Variants in LRMDA observed in about 807,000 individuals in gnomAD.
LRMDA encodes leucine-rich melanocyte differentiation-associated protein.
A neutral mutation model predicts 29.8 loss-of-function variants in LRMDA; 18 were observed. The observed-to-expected ratio is 0.60, with a 90% CI of 0.42 to 0.90. LRMDA has a LOEUF of 0.90. Among genes scored for constraint, LRMDA ranks in the 40% least tolerant of loss-of-function variants. LRMDA has a pLI of 0.00. For synonymous variants in LRMDA, 125 were observed against 109.4 expected (o/e 1.14, Z -0.89); for missense variants, 273 against 273.9 (o/e 1.00, Z 0.02).
chr10:75,577,910 A>G (rs2132074507), intron 2 of LRMDA, among the ~76,000 whole-genome samples: 1 of 150,892 alleles, frequency 6.6e-6, no homozygotes, highest in Admixed American at 6.6e-5. Flanking sequence ...GAAAGGATCA[A>G]CTAGTACCAG....
At chr10:76,237,706 G>A (rs547680445) in intron 5 of LRMDA, among the ~76,000 whole-genome samples, 37 of 151,394 alleles carry the variant, frequency 2.4e-4, no homozygotes, top group African/African-American at 7.0e-4. Context: ...CCCAGAAAGC[G>A]CAGCCATAGG....
chr10:75,634,672 T>A (rs1203887873), intron 2 of LRMDA, among the ~76,000 whole-genome samples: 1 of 152,230 alleles, frequency 6.6e-6, no homozygotes, highest in African/African-American at 2.4e-5. Context: ...AAGGAGGAGA[T>A]AAACATATCA....
chr10:76,320,593 G>C (rs1840759132), intron 5 of LRMDA, among the ~76,000 whole-genome samples: 1 of 152,184 alleles, frequency 6.6e-6, no homozygotes, highest in Admixed American at 6.5e-5. Context: ...GATTAGAAAA[G>C]AAATAGGGCC....
intron 5 of LRMDA, among the ~76,000 whole-genome samples, chr10:76,194,203 G>T (rs748107266): frequency 1.2e-4 from 18 of 152,168 alleles, no homozygotes; most frequent in Non-Finnish European, 2.5e-4. Context: ...TGTAGTAGGG[G>T]AACCACTGAG....
At chr10:75,745,896 G>C (rs905109103) in intron 2 of LRMDA, among the ~76,000 whole-genome samples, 3 of 152,194 alleles carry the variant, frequency 2.0e-5, no homozygotes, top group Non-Finnish European at 2.9e-5. Flanking sequence ...GGTTTCATAT[G>C]ATGTGTTATT....
intron 5 of LRMDA, among the ~76,000 whole-genome samples, chr10:76,062,434 C>T (rs1037925327): frequency 9.9e-5 from 15 of 152,256 alleles, no homozygotes; most frequent in African/African-American, 2.2e-4. Flanking sequence ...GGCCCGATGT[C>T]GCAGAGGTCT....
intron 5 of LRMDA, among the ~76,000 whole-genome samples, chr10:76,075,451 C>T (rs1337462021): frequency 6.6e-6 from 1 of 152,222 alleles, no homozygotes; most frequent in African/African-American, 2.4e-5. Context: ...GACTTCCAGA[C>T]TCCAGAACTA....
At chr10:75,765,026 G>T (rs569124871) in intron 2 of LRMDA, among the ~76,000 whole-genome samples, 3 of 151,480 alleles carry the variant, frequency 2.0e-5, no homozygotes, top group South Asian at 4.2e-4. Flanking sequence ...TGTGACCTCT[G>T]TAAAATAAAG....
Position 75,832,717 on chromosome 10 carries a change from G to C in LRMDA, c.132-203291G>C, listed in dbSNP as rs557761834. ...TTAGACTTACAGTTCCATGTGGCTG[G>C]GGAAGCCTCACAATCATGGCAGAAG... is the stretch of plus-strand genomic sequence containing the variant. On this transcript the variant is annotated intron_variant, in intron 2 of 6. Coordinates refer to ENST00000611255, the MANE Select transcript of LRMDA (RefSeq NM_001305581.2). 8.5e-5 allele frequency among the ~76,000 whole-genome samples: 13 copies of C among 152,326 alleles called. No individual in the cohort carries two copies. The East Asian group carries it at 2.3e-3, about 27-fold the overall frequency.
In LRMDA at chr10:76,559,602, T is replaced by C. The variant is rs1036652654; in HGVS notation, c.*2314T>C. 4 of 152,238 alleles carry C rather than the reference T, an allele frequency of 2.6e-5. No homozygotes were observed. Among genetic ancestry groups the C allele is most frequent in the African/African-American group, 9.6e-5 (4 of 41,460 alleles). 9.4% of individuals were successfully genotyped at this position (152,238 alleles called of 1,614,324 possible). A position where few individuals can be genotyped will look rare whatever the true frequency, so the allele number is the denominator to read the frequency against. On this transcript the variant is annotated 3_prime_UTR_variant, in exon 7 of 7. Transcript: ENST00000611255. ...TGCTAGAGCTAGACTTTGGTCTGAATTGGCAGAGGTAGAACCCATGTTGCA... is the reference window on the plus strand; with the variant it reads ...TGCTAGAGCTAGACTTTGGTCTGAACTGGCAGAGGTAGAACCCATGTTGCA...
intron 2 of LRMDA, among the ~76,000 whole-genome samples, chr10:75,624,636 C>T (rs940060134): frequency 6.6e-6 from 1 of 151,972 alleles, no homozygotes; most frequent in Non-Finnish European, 1.5e-5. Context: ...AGGGCAAAAG[C>T]GGGGGTTGTG....
chr10:75,773,378 A>G (rs1843268977), intron 2 of LRMDA, among the ~76,000 whole-genome samples: 1 of 152,168 alleles, frequency 6.6e-6, no homozygotes, highest in African/African-American at 2.4e-5. Context: ...TCTTAAAGAA[A>G]GCACAGCCCT....
intron 5 of LRMDA, among the ~76,000 whole-genome samples, chr10:76,118,971 G>A (rs991211723): frequency 6.6e-6 from 1 of 151,154 alleles, no homozygotes; most frequent in Non-Finnish European, 1.5e-5. Context: ...AAGGGCGCAG[G>A]CCAATCTGCC....
intron 2 of LRMDA, among the ~76,000 whole-genome samples, chr10:76,006,030 T>C (rs955181914): frequency 1.3e-5 from 2 of 151,792 alleles, no homozygotes; most frequent in African/African-American, 4.8e-5. Flanking sequence ...AATGCAGGGG[T>C]TCAGGCAGGC....
chr10:75,557,675 A>G (rs1840231937), intron 2 of LRMDA, among the ~76,000 whole-genome samples: 1 of 152,204 alleles, frequency 6.6e-6, no homozygotes, highest in Non-Finnish European at 1.5e-5. Flanking sequence ...AGAATCAGCT[A>G]GAGCTGGGAT....
intron 2 of LRMDA, among the ~76,000 whole-genome samples, chr10:75,884,645 T>C (rs969912093): frequency 3.3e-5 from 5 of 152,356 alleles, no homozygotes; most frequent in Admixed American, 2.0e-4. Context: ...TACATGAACC[T>C]GACAGTGGCT....
intron 5 of LRMDA, among the ~76,000 whole-genome samples, chr10:76,265,245 C>G (rs1321497303): frequency 1.3e-5 from 2 of 152,110 alleles, no homozygotes; most frequent in Non-Finnish European, 2.9e-5. Context: ...TAAGGAAAAG[C>G]CTTGCATTTC....
chr10:75,873,176 A>T (rs1028739520), intron 2 of LRMDA, among the ~76,000 whole-genome samples: 3 of 152,192 alleles, frequency 2.0e-5, no homozygotes, highest in African/African-American at 7.2e-5. Context: ...TTTGAACAGG[A>T]ATATTGGAAC....
At chr10:76,177,952 C>T (rs953278395) in intron 5 of LRMDA, among the ~76,000 whole-genome samples, 1 of 152,206 alleles carries the variant, frequency 6.6e-6, no homozygotes, top group Non-Finnish European at 1.5e-5. Context: ...CCCAGATTGG[C>T]ATTCCACTAC....
Sources: gnomAD v4.1 joint callset for allele counts (sites outside exome capture counted in the v4.1 genomes callset) on GRCh38, gnomAD v4.1.1 for gene constraint, MANE v1.5 for transcripts, NCBI Gene and HGNC (gene_info 2026-07-23, HGNC 2026-07-21) for gene names.